OSBPL11: variants seen among roughly 807,000 people sequenced by gnomAD.
OSBPL11 encodes the protein oxysterol binding protein like 11.
In OSBPL11, 33 loss-of-function variants were observed where a neutral mutation model predicts 84.4. That is an observed-to-expected ratio of 0.39 (90% CI 0.30 to 0.52). OSBPL11 has a LOEUF of 0.52. OSBPL11 is among the 20% of genes least tolerant of loss of function. OSBPL11 has a pLI of 0.72. For missense variants in OSBPL11, 736 were observed against 901.1 expected, an observed-to-expected ratio of 0.82 and a Z score of 2.35; for synonymous variants, 276 against 310.2, an observed-to-expected ratio of 0.89 and a Z score of 1.16.
At chr3:125,535,295 A>G (rs1935624461) in intron 11 of OSBPL11, among the ~76,000 whole-genome samples, 1 of 152,104 alleles carries the variant, frequency 6.6e-6, no homozygotes, top group Admixed American at 6.6e-5. Context: ...AAGAAACAGA[A>G]AACCTTAACA....
rs1404362235 is a variant in OSBPL11 at position 125,539,343 on chromosome 3, AT to A, written c.1842-711del. Among the ~76,000 whole-genome samples the A allele has an allele frequency of 7.3e-4, 81 of 111,032 alleles. 1 individual carries two copies. The highest frequency in any genetic ancestry group is 1.4e-3 in the South Asian group (5 of 3,584). 72.8% of individuals were successfully genotyped at this position (111,032 alleles called of 152,430 possible). A position where few individuals can be genotyped will look rare whatever the true frequency, so the allele number is the denominator to read the frequency against. ...TATATATATATATATATATATATAT[AT>A]AATAGCTATATATATGGCTGTTTAT... On this transcript the variant is annotated intron_variant, in intron 10 of 12. Coordinates refer to ENST00000296220, the MANE Select transcript of OSBPL11 (RefSeq NM_022776.5).
Position 125,533,397 on chromosome 3 carries a change from G to A in OSBPL11, c.2025-1383C>T, listed in dbSNP as rs1448961490. Among the ~76,000 whole-genome samples, 10 of 152,078 alleles carry A rather than the reference G, an allele frequency of 6.6e-5. 1 individual carries two copies. The highest frequency in any genetic ancestry group is 2.2e-4 in the African/African-American group (9 of 41,484). ...GCACCACCATGCCCGGCTAATTTTT[G>A]TATTTTGAGTACAGACAGGGTTTCA... On this transcript the variant is annotated intron_variant, in intron 11 of 12. Coordinates refer to ENST00000296220, the MANE Select transcript of OSBPL11 (RefSeq NM_022776.5).
At chr3:125,548,099 G>A (rs1052460667) in intron 9 of OSBPL11, among the ~76,000 whole-genome samples, 3 of 152,012 alleles carry the variant, frequency 2.0e-5, no homozygotes, top group Non-Finnish European at 4.4e-5. Context: ...GGCTGGTCTC[G>A]CACTCCTGAC....
intron 9 of OSBPL11, among the ~76,000 whole-genome samples, chr3:125,551,678 T>C (rs1317118142): frequency 6.6e-6 from 1 of 152,052 alleles, no homozygotes; most frequent in African/African-American, 2.4e-5. Flanking sequence ...CTCGTGAGTC[T>C]GAGGCAGGAG....
chr3:125,536,686 T>C (rs1345994603), intron 11 of OSBPL11, among the ~76,000 whole-genome samples: 1 of 152,186 alleles, frequency 6.6e-6, no homozygotes, highest in Admixed American at 6.5e-5. Flanking sequence ...AGAAGAACCA[T>C]AGTTTGTCTA....
At chr3:125,563,968 C>G (rs1211887847) in intron 6 of OSBPL11, 125 bp from the exon 7 acceptor site, 1 of 1,007,038 alleles carries the variant, frequency 9.9e-7, no homozygotes, top group Non-Finnish European at 1.4e-6. Flanking sequence ...GTTAAGAGAC[C>G]CTGCAAGACA....
At chr3:125,557,420 C>T (rs1007483811) in intron 8 of OSBPL11, among the ~76,000 whole-genome samples, 4 of 151,732 alleles carry the variant, frequency 2.6e-5, no homozygotes, top group African/African-American at 9.7e-5. Flanking sequence ...CTAGCTCTGT[C>T]GCCCAGGCTA....
chr3:125,584,535 T>G (rs1045588261), intron 1 of OSBPL11, among the ~76,000 whole-genome samples: 6 of 152,192 alleles, frequency 3.9e-5, no homozygotes, highest in Admixed American at 3.9e-4. Flanking sequence ...AATTCGCCAT[T>G]TTGGGAACTA....
At chr3:125,542,509 AT>A (rs35801148) in intron 10 of OSBPL11, among the ~76,000 whole-genome samples, 9,735 of 119,780 alleles carry the variant, frequency 0.081, 386 homozygotes, top group Non-Finnish European at 0.11. Context: ...CTAATTTTGT[AT>A]TTTTTTTTTT....
At chr3:125,544,944 A>G (rs1935788712) in intron 10 of OSBPL11, among the ~76,000 whole-genome samples, 1 of 152,218 alleles carries the variant, frequency 6.6e-6, no homozygotes, top group Non-Finnish European at 1.5e-5. Context: ...AATAATTGAT[A>G]AATAATAAAA....
At chr3:125,534,951 GAAAAAAAAAAA>G (rs56164804) in intron 11 of OSBPL11, among the ~76,000 whole-genome samples, 11 of 64,652 alleles carry the variant, frequency 1.7e-4, no homozygotes, top group East Asian at 4.5e-4. Flanking sequence ...TAAGAAATTA[GAAAAAAAAAAA>G]AAAAAAAAAA....
Position 125,594,946 on chromosome 3 carries a change from C to A in OSBPL11, c.-146G>T. ...GGCTGGGGCGGGACTGTCAAATGGT[C>A]CAGAAAAGGAAGATACACATTCCCA... On this transcript the variant is annotated 5_prime_UTR_variant, in exon 1 of 13. Transcript: ENST00000296220. The A allele has an allele frequency of 2.4e-6, 2 of 827,462 alleles. No homozygotes were observed. Among genetic ancestry groups the A allele is most frequent in the South Asian group, 3.9e-5 (2 of 51,320 alleles). 51.3% of individuals were successfully genotyped at this position (827,462 alleles called of 1,614,324 possible).
At position 125,552,580 on chromosome 3, in the gene OSBPL11, C is replaced by T; in HGVS notation, c.1255G>A (p.Ala419Thr). The T allele has an allele frequency of 6.2e-7, 1 of 1,614,194 alleles. No individual in the cohort carries two copies. The highest frequency in any genetic ancestry group is 8.5e-7 in the Non-Finnish European group (1 of 1,180,034). Reference protein sequence around the residue: ...PDLFIAITNGATAEDRMIRFV... With the variant: ...PDLFIAITNGTTAEDRMIRFV... ...CGAATCATTCTGTCCTCAGCTGTGG[C>T]TCCATTAGTGATGGCTATAAATAGG... Residue 419 changes from alanine to threonine, a missense_variant, in exon 9 of 13, where the codon GCC (alanine) becomes ACC (threonine). Coordinates refer to ENST00000296220, the MANE Select transcript of OSBPL11 (RefSeq NM_022776.5).
intron 11 of OSBPL11, among the ~76,000 whole-genome samples, chr3:125,535,534 C>T (rs1935629396): frequency 6.7e-6 from 1 of 149,718 alleles, no homozygotes; most frequent in Non-Finnish European, 1.5e-5. Context: ...ACCTCCACCT[C>T]CTGGGTTCAA....
In OSBPL11 at chr3:125,579,856, T is replaced by C; in HGVS notation, c.409+9A>G. ...AATCACAGTATTAATTCTCATATTT[T>C]GGTCATACCTCTGAGTTTATATTGT... On this transcript the variant is annotated intron_variant, in intron 3 of 12. Coordinates refer to ENST00000296220, the MANE Select transcript of OSBPL11 (RefSeq NM_022776.5). The C allele has an allele frequency of 1.2e-6, 2 of 1,612,370 alleles. No homozygotes were observed. The highest frequency in any genetic ancestry group is 1.7e-6 in the Non-Finnish European group (2 of 1,178,628).
chr3:125,568,389 C>T (rs1346404563), intron 5 of OSBPL11, among the ~76,000 whole-genome samples: 2 of 151,316 alleles, frequency 1.3e-5, no homozygotes, highest in African/African-American at 2.4e-5. Flanking sequence ...CAAGATCGCG[C>T]CACTGCATTC....
intron 1 of OSBPL11, among the ~76,000 whole-genome samples, chr3:125,588,998 G>A (rs1173785077): frequency 6.6e-6 from 1 of 152,172 alleles, no homozygotes; most frequent in African/African-American, 2.4e-5. Flanking sequence ...AAAAATGTTA[G>A]CACTCTTTGG....
In OSBPL11 at chr3:125,552,697, G is replaced by A; in HGVS notation, c.1156-18C>T. Reference sequence around the variant, plus strand: ...AGCACCACCTAAAACAACAATCAATGAAAGAGGGGAAATTTAATCCATGTG... The same window carrying A: ...AGCACCACCTAAAACAACAATCAATAAAAGAGGGGAAATTTAATCCATGTG... On this transcript the variant is annotated intron_variant, in intron 8 of 12. Transcript: ENST00000296220. 1.3e-6 allele frequency: 2 copies of A among 1,597,868 alleles called. No homozygotes were observed. The highest frequency in any genetic ancestry group is 1.7e-5 in the Admixed American group (1 of 57,826).
chr3:125,554,704 C>T (rs1468449452), intron 8 of OSBPL11, among the ~76,000 whole-genome samples: 4 of 151,652 alleles, frequency 2.6e-5, no homozygotes, highest in Admixed American at 2.6e-4. Flanking sequence ...TACAAGAATG[C>T]TTTTTAAAAA....
Sources: allele counts gnomAD v4.1 joint callset (sites outside exome capture counted in the v4.1 genomes callset), GRCh38; gene constraint gnomAD v4.1.1; transcripts MANE v1.5; gene names NCBI Gene and HGNC (gene_info 2026-07-23, HGNC 2026-07-21).